BORCS5: variants seen among roughly 807,000 people sequenced by gnomAD.
The protein encoded by BORCS5 is BLOC-1-related complex subunit 5.
BORCS5 carries 17 observed loss-of-function variants against 22.1 expected under a neutral mutation model. The ratio of observed to expected loss-of-function variants is 0.77; its 90% CI spans 0.53 to 1.15. The LOEUF (loss-of-function observed/expected upper bound fraction) is 1.15. BORCS5 is among the 50% of genes most tolerant of loss of function. The pLI is 0.00. For missense variants in BORCS5, 247 were observed against 253.2 expected (o/e 0.98, Z 0.17); for synonymous variants, 117 against 99.8 (o/e 1.17, Z -1.03).
At chr12:12,435,192 A>G (rs962884595) in intron 2 of BORCS5, among the ~76,000 whole-genome samples, 5 of 152,222 alleles carry the variant, frequency 3.3e-5, no homozygotes, top group African/African-American at 1.2e-4. Flanking sequence ...TCAGACAACC[A>G]TTTTAATTAT....
In BORCS5 at chr12:12,467,644, T is replaced by C. The variant is rs1411057545; in HGVS notation, c.*1868T>C. 1 of 152,252 alleles carries C rather than the reference T, an allele frequency of 6.6e-6. No individual in the cohort carries two copies. Among genetic ancestry groups the C allele is most frequent in the Non-Finnish European group, 1.5e-5 (1 of 68,040 alleles). The allele number at this position is 152,252 out of a possible 1,614,324, so 9.4% of individuals were successfully genotyped here. A position where few individuals can be genotyped will look rare whatever the true frequency, so the allele number is the denominator to read the frequency against. On this transcript the variant is annotated 3_prime_UTR_variant, in exon 4 of 4. Coordinates refer to ENST00000314565, the MANE Select transcript of BORCS5 (RefSeq NM_058169.6). Reference sequence around the variant, plus strand: ...AATTCAATACTCCCGGAAAGAATTCTAGTTAGTTTAATATTTTGATGGCAT... The same window carrying C: ...AATTCAATACTCCCGGAAAGAATTCCAGTTAGTTTAATATTTTGATGGCAT...
chr12:12,430,197 C>T (rs1291797092), intron 2 of BORCS5, among the ~76,000 whole-genome samples: 2 of 126,314 alleles, frequency 1.6e-5, no homozygotes, highest in East Asian at 4.3e-4. Flanking sequence ...GTCACCCAGG[C>T]TGGAGTGCAG....
At position 12,468,272 on chromosome 12, in the gene BORCS5, G is replaced by T. The variant is rs535761680; in HGVS notation, c.*2496G>T. On this transcript the variant is annotated 3_prime_UTR_variant, in exon 4 of 4. Transcript: ENST00000314565. ...TCTGACTGGTAACATGGCATTACCA[G>T]TCCTTTCCCTCTCATGTTTTGCTAT... is the stretch of plus-strand genomic sequence containing the variant. 1 of 152,292 alleles carries T rather than the reference G, an allele frequency of 6.6e-6. No individual in the cohort carries two copies. Among genetic ancestry groups the T allele is most frequent in the Admixed American group, 6.5e-5 (1 of 15,296 alleles). 9.4% of individuals were successfully genotyped at this position (152,292 alleles called of 1,614,324 possible). A position where few individuals can be genotyped will look rare whatever the true frequency, so the allele number is the denominator to read the frequency against.
chr12:12,415,863 C>T (rs573621993), intron 2 of BORCS5, among the ~76,000 whole-genome samples: 5 of 152,088 alleles, frequency 3.3e-5, no homozygotes, highest in African/African-American at 1.2e-4. Context: ...GGAGTGTTTT[C>T]TCTGCTTCAA....
intron 2 of BORCS5, among the ~76,000 whole-genome samples, chr12:12,390,624 T>C (rs1407252082): frequency 1.3e-5 from 2 of 150,592 alleles, no homozygotes; most frequent in Non-Finnish European, 3.0e-5. Flanking sequence ...TTATCTCCTT[T>C]TTTTTTTTTG....
At chr12:12,457,269 A>C (rs1943014395) in intron 3 of BORCS5, among the ~76,000 whole-genome samples, 1 of 152,218 alleles carries the variant, frequency 6.6e-6, no homozygotes, top group Non-Finnish European at 1.5e-5. Context: ...TAACTGGCTT[A>C]AGGTCATGAA....
chr12:12,372,127 C>T (rs1592059936), intron 2 of BORCS5, among the ~76,000 whole-genome samples: 1 of 152,254 alleles, frequency 6.6e-6, no homozygotes, highest in East Asian at 1.9e-4. Flanking sequence ...GCAACCTCTG[C>T]CTCTAGGGTT....
chr12:12,410,544 C>A (rs951299914), intron 2 of BORCS5, among the ~76,000 whole-genome samples: 15 of 151,806 alleles, frequency 9.9e-5, no homozygotes, highest in African/African-American at 2.7e-4. Context: ...TGTAGATATG[C>A]GGCATTATTT....
intron 2 of BORCS5, among the ~76,000 whole-genome samples, chr12:12,364,375 C>CAAAAAAAAAA (rs555613644): frequency 0.017 from 849 of 49,752 alleles, 7 homozygotes; most frequent in African/African-American, 0.033. Context: ...GACTTGGTCT[C>CAAAAAAAAAA]AAAGAAAAAT....
intron 2 of BORCS5, among the ~76,000 whole-genome samples, chr12:12,362,187 A>G (rs979310698): frequency 6.6e-6 from 1 of 152,200 alleles, no homozygotes; most frequent in Non-Finnish European, 1.5e-5. Flanking sequence ...ACATCATTAA[A>G]TGTGTTTCAA....
intron 3 of BORCS5, chr12:12,452,575 C>A: frequency 2.9e-6 from 1 of 343,130 alleles, no homozygotes; most frequent in Non-Finnish European, 5.7e-6. Context: ...GATCCTTCCC[C>A]ACCCACTCCC....
At chr12:12,357,586 C>A in intron 1 of BORCS5, 77 bp downstream of exon 1, 1 of 1,484,706 alleles carries the variant, frequency 6.7e-7, no homozygotes, top group South Asian at 1.2e-5. Flanking sequence ...AGACTAGGGT[C>A]AGGGACTGCG....
At chr12:12,382,255 G>A (rs1292770804) in intron 2 of BORCS5, among the ~76,000 whole-genome samples, 1 of 151,274 alleles carries the variant, frequency 6.6e-6, no homozygotes, top group South Asian at 2.1e-4. Flanking sequence ...TGAAGGAGGA[G>A]CAGGCATGTC....
rs1943188687 is a variant in BORCS5 at position 12,465,690 on chromosome 12, C to G, written c.505C>G (p.Leu169Val). Reference sequence around the variant, plus strand: ...GATGGGCATCGACCAGACTGTGCCCCTGCTGGACAGGCTCAACAGCATGCT... The same window carrying G: ...GATGGGCATCGACCAGACTGTGCCCGTGCTGGACAGGCTCAACAGCATGCT... ...IQMGIDQTVP[L>V]LDRLNSMLPE... is the part of the protein sequence containing the mutation. Residue 169 changes from leucine to valine, a missense_variant, in exon 4 of 4, where the codon CTG (leucine) becomes GTG (valine). Coordinates refer to ENST00000314565, the MANE Select transcript of BORCS5 (RefSeq NM_058169.6). The G allele has an allele frequency of 6.2e-7, 1 of 1,614,148 alleles. No homozygotes were observed. The highest frequency in any genetic ancestry group is 1.3e-5 in the African/African-American group (1 of 74,956).
At chr12:12,424,398 G>A (rs533919979) in intron 2 of BORCS5, among the ~76,000 whole-genome samples, 2 of 152,114 alleles carry the variant, frequency 1.3e-5, no homozygotes, top group South Asian at 2.1e-4. Flanking sequence ...TAGGTTTTCT[G>A]TCTCTTTATT....
At chr12:12,360,762 C>A (rs1863264617) in intron 1 of BORCS5, among the ~76,000 whole-genome samples, 1 of 151,602 alleles carries the variant, frequency 6.6e-6, no homozygotes, top group South Asian at 2.1e-4. Flanking sequence ...ACTCTGTTGC[C>A]CAGGCTCAAG....
At chr12:12,409,477 G>T (rs1941669235) in intron 2 of BORCS5, among the ~76,000 whole-genome samples, 1 of 152,098 alleles carries the variant, frequency 6.6e-6, no homozygotes, top group South Asian at 2.1e-4. Flanking sequence ...AGAACATATG[G>T]TGTTTGGTTT....
chr12:12,384,369 A>G (rs1863837274), intron 2 of BORCS5, among the ~76,000 whole-genome samples: 1 of 148,818 alleles, frequency 6.7e-6, no homozygotes. Flanking sequence ...TTCTTTTATT[A>G]TGATTTTCTG....
At chr12:12,449,333 C>T (rs1472481422) in intron 3 of BORCS5, among the ~76,000 whole-genome samples, 1 of 152,202 alleles carries the variant, frequency 6.6e-6, no homozygotes, top group Non-Finnish European at 1.5e-5. Flanking sequence ...GGAAAGCTCT[C>T]CCAAGGAACG....
Sources: gnomAD v4.1 joint callset for allele counts (sites outside exome capture counted in the v4.1 genomes callset) on GRCh38, gnomAD v4.1.1 for gene constraint, MANE v1.5 for transcripts, NCBI Gene and HGNC (gene_info 2026-07-23, HGNC 2026-07-21) for gene names.